Variants in PLCH1 observed in about 807,000 individuals in gnomAD.
PLCH1 encodes the protein 1-phosphatidylinositol 4,5-bisphosphate phosphodiesterase eta-1.
A neutral mutation model predicts 126.7 loss-of-function variants in PLCH1; 60 were observed. The ratio of observed to expected loss-of-function variants is 0.47; its 90% CI spans 0.38 to 0.59. The LOEUF (loss-of-function observed/expected upper bound fraction) is 0.59. Among genes scored for constraint, PLCH1 ranks in the 20% least tolerant of loss-of-function variants. PLCH1 has a pLI of 0.00. For synonymous variants in PLCH1, 719 were observed against 734.9 expected, an observed-to-expected ratio of 0.98 and a Z score of 0.35; for missense variants, 1,723 against 2,040.0, an observed-to-expected ratio of 0.84 and a Z score of 2.99.
chr3:155,505,892 CTT>C (rs761646376), intron 12 of PLCH1, among the ~76,000 whole-genome samples: 21 of 120,902 alleles, frequency 1.7e-4, no homozygotes, highest in Admixed American at 3.3e-4. Flanking sequence ...TCTTGGTCCG[CTT>C]TTTTTTTTTT....
chr3:155,656,257 T>G (rs1741353558), intron 2 of PLCH1, among the ~76,000 whole-genome samples: 2 of 151,592 alleles, frequency 1.3e-5, no homozygotes, highest in African/African-American at 4.8e-5. Flanking sequence ...AAAGGATAGA[T>G]CATCCTTATG....
chr3:155,647,348 C>T (rs1045464844), intron 2 of PLCH1, among the ~76,000 whole-genome samples: 9 of 151,862 alleles, frequency 5.9e-5, no homozygotes, highest in Non-Finnish European at 1.0e-4. Context: ...GGATGAAAGA[C>T]GCTTGACTGC....
intron 1 of PLCH1, among the ~76,000 whole-genome samples, chr3:155,719,016 G>T (rs149765170): frequency 5.7e-4 from 87 of 151,934 alleles, no homozygotes; most frequent in African/African-American, 2.0e-3. Context: ...ATGCATGGAA[G>T]TTTTTTTTCC....
In PLCH1 at chr3:155,564,981, G is replaced by C; in HGVS notation, c.1003C>G (p.Leu335Val). Residue 335 changes from leucine (L) to valine (V), a missense_variant, in exon 8 of 23, where the codon CTC (leucine) becomes GTC (valine). Transcript: ENST00000460012. ...SHNTYLTGDQ[L>V]LSQSKVDMYA... ...ATATCCACTTTGGACTGAGAAAGGA[G>C]CTGGTCTCCAGTCAGGTATGTATTG... 1 of 1,613,918 alleles carries C rather than the reference G, an allele frequency of 6.2e-7. No individual in the cohort carries two copies. Among genetic ancestry groups the C allele is most frequent in the Non-Finnish European group, 8.5e-7 (1 of 1,179,796 alleles).
intron 21 of PLCH1, among the ~76,000 whole-genome samples, chr3:155,460,494 T>TAGAGAACTA (rs1712670669): frequency 6.6e-6 from 1 of 152,162 alleles, no homozygotes; most frequent in South Asian, 2.1e-4. Flanking sequence ...AGTCTCTGAA[T>TAGAGAACTA]GTCTAATGGG....
intron 13 of PLCH1, among the ~76,000 whole-genome samples, chr3:155,504,347 T>C (rs985627423): frequency 1.3e-5 from 2 of 152,250 alleles, no homozygotes; most frequent in African/African-American, 2.4e-5. Context: ...TTCAAAATAT[T>C]CTTTCCCAGT....
At chr3:155,706,347 T>C (rs1746668635) in intron 1 of PLCH1, among the ~76,000 whole-genome samples, 2 of 148,842 alleles carry the variant, frequency 1.3e-5, no homozygotes, top group Non-Finnish European at 3.0e-5. Context: ...TTAGGCCAGG[T>C]GCGGTGGCTC....
intron 2 of PLCH1, among the ~76,000 whole-genome samples, chr3:155,699,454 T>C (rs529821287): frequency 2.4e-4 from 36 of 152,282 alleles, no homozygotes; most frequent in African/African-American, 8.2e-4. Context: ...GCACAGGTAT[T>C]TTCTGGACCT....
chr3:155,532,603 T>C (rs1181912080), intron 10 of PLCH1, among the ~76,000 whole-genome samples: 1 of 152,130 alleles, frequency 6.6e-6, no homozygotes, highest in Non-Finnish European at 1.5e-5. Flanking sequence ...CTGATGACTT[T>C]ATAAAGGGCT....
chr3:155,644,851 G>A (rs1023752162), intron 2 of PLCH1, among the ~76,000 whole-genome samples: 1 of 152,050 alleles, frequency 6.6e-6, no homozygotes, highest in Non-Finnish European at 1.5e-5. Flanking sequence ...AATCAAATCT[G>A]AGCCACTGTG....
intron 2 of PLCH1, among the ~76,000 whole-genome samples, chr3:155,628,549 CTTTTTT>C (rs56820929): frequency 2.8e-5 from 4 of 143,398 alleles, no homozygotes; most frequent in Admixed American, 1.4e-4. Flanking sequence ...CTTCACCTCT[CTTTTTT>C]TTTTTTTTTT....
chr3:155,582,069 T>C (rs900910478), intron 6 of PLCH1, among the ~76,000 whole-genome samples: 1 of 137,634 alleles, frequency 7.3e-6, no homozygotes, highest in Admixed American at 7.8e-5. Context: ...TCTTTTTCTT[T>C]TCTTTCTTTT....
intron 21 of PLCH1, among the ~76,000 whole-genome samples, chr3:155,458,233 T>G (rs1712509911): frequency 6.7e-6 from 1 of 149,152 alleles, no homozygotes; most frequent in Non-Finnish European, 1.5e-5. Context: ...TTCCAGCTAC[T>G]AAGGAGGCTG....
intron 4 of PLCH1, among the ~76,000 whole-genome samples, chr3:155,587,469 T>C (rs904356493): frequency 6.6e-6 from 1 of 152,190 alleles, no homozygotes; most frequent in Non-Finnish European, 1.5e-5. Context: ...CCAGGTCTTT[T>C]GTACCTGATT....
At chr3:155,559,068 A>G (rs578492) in intron 8 of PLCH1, among the ~76,000 whole-genome samples, 62 of 152,090 alleles carry the variant, frequency 4.1e-4, no homozygotes, top group Non-Finnish European at 6.5e-4. Context: ...CTTATATGAC[A>G]TGACAGCCTC....
chr3:155,461,291 C>A (rs1712715939), intron 21 of PLCH1, among the ~76,000 whole-genome samples: 1 of 151,942 alleles, frequency 6.6e-6, no homozygotes, highest in Admixed American at 6.5e-5. Flanking sequence ...AAGGGGCCTG[C>A]AACACCAGTG....
At chr3:155,732,001 A>AT (rs2109179722) in intron 1 of PLCH1, among the ~76,000 whole-genome samples, 1 of 151,562 alleles carries the variant, frequency 6.6e-6, no homozygotes, top group South Asian at 2.1e-4. Flanking sequence ...AAAAAAAAAA[A>AT]AAAAAAGTCA....
At chr3:155,495,295 C>A (rs1407873969) in intron 15 of PLCH1, among the ~76,000 whole-genome samples, 3 of 152,104 alleles carry the variant, frequency 2.0e-5, no homozygotes, top group Non-Finnish European at 2.9e-5. Context: ...ACAGAAGCTG[C>A]AAATTTGGGG....
intron 12 of PLCH1, among the ~76,000 whole-genome samples, chr3:155,513,615 G>T (rs979237180): frequency 4.6e-5 from 7 of 152,210 alleles, no homozygotes; most frequent in African/African-American, 1.7e-4. Context: ...TGGAGGCGAG[G>T]AGGGTGGAAA....
Sources: gnomAD v4.1 joint callset for allele counts (sites outside exome capture counted in the v4.1 genomes callset) on GRCh38, gnomAD v4.1.1 for gene constraint, MANE v1.5 for transcripts, NCBI Gene and HGNC (gene_info 2026-07-23, HGNC 2026-07-21) for gene names.